The following FBXL14 variants were observed in gnomAD, a reference collection of about 807,000 sequenced individuals.
FBXL14 encodes the protein F-box and leucine rich repeat protein 14, also known as F-box/LRR-repeat protein 14.
FBXL14 carries 11 observed loss-of-function variants against 24.5 expected under a neutral mutation model. The observed-to-expected ratio is 0.45, with a 90% CI of 0.28 to 0.74. FBXL14 has a LOEUF of 0.74. Ranked by LOEUF, FBXL14 falls within the 30% of genes least tolerant of loss-of-function variation. The probability of loss-of-function intolerance (pLI) is 0.12; values close to 1 mark genes in which losing one functional copy is unlikely to be tolerated. For synonymous variants in FBXL14, 294 were observed against 240.4 expected (o/e 1.22, Z -2.06); for missense variants, 384 against 545.6 (o/e 0.70, Z 2.95).
chr12:1,592,222 T>G (rs1224322198), intron 1 of FBXL14, among the ~76,000 whole-genome samples: 1 of 147,466 alleles, frequency 6.8e-6, no homozygotes, highest in African/African-American at 2.5e-5. Context: ...TATATATATA[T>G]AATATATAGA....
At chr12:1,587,387 T>TG (rs1215623063) in intron 1 of FBXL14, 2 of 151,756 alleles carry the variant, frequency 1.3e-5, no homozygotes, top group Admixed American at 6.6e-5. Context: ...TTATTGGGAG[T>TG]GGGGGTTTAA....
intron 1 of FBXL14, among the ~76,000 whole-genome samples, chr12:1,578,912 C>G (rs1244123669): frequency 6.6e-6 from 1 of 152,060 alleles, no homozygotes. Context: ...TCGTGACTAT[C>G]CCTTCACCTT....
At chr12:1,585,496 T>G (rs915208984) in intron 1 of FBXL14, among the ~76,000 whole-genome samples, 4 of 152,178 alleles carry the variant, frequency 2.6e-5, no homozygotes, top group African/African-American at 9.7e-5. Flanking sequence ...GTAGGAAATA[T>G]TTCCTCATAT....
intron 1 of FBXL14, among the ~76,000 whole-genome samples, chr12:1,570,210 CAG>C (rs2094443015): frequency 6.6e-6 from 1 of 151,656 alleles, no homozygotes; most frequent in Non-Finnish European, 1.5e-5. Flanking sequence ...AGCTACTGAT[CAG>C]AGAGTGGGAA....
chr12:1,592,361 A>G (rs941070009), intron 1 of FBXL14, among the ~76,000 whole-genome samples: 9 of 152,020 alleles, frequency 5.9e-5, no homozygotes, highest in African/African-American at 2.2e-4. Flanking sequence ...GAGTGATGAG[A>G]AGAGACTGGG....
Position 1,566,640 on chromosome 12 carries a change from G to C in FBXL14, c.*108C>G, listed in dbSNP as rs149786278. The C allele has an allele frequency of 4.2e-4, 309 of 741,362 alleles. No homozygotes were observed. The African/African-American group carries it at 4.5e-3, about 11-fold the overall frequency. 45.9% of individuals were successfully genotyped at this position (741,362 alleles called of 1,614,324 possible). A position where few individuals can be genotyped will look rare whatever the true frequency, so the allele number is the denominator to read the frequency against. On this transcript the variant is annotated 3_prime_UTR_variant, in exon 2 of 2. Coordinates refer to ENST00000339235, the MANE Select transcript of FBXL14 (RefSeq NM_152441.3). ...CTGGGCAGCAGCCTCTGCCCGAGCA[G>C]TGACAGGCAGGGAAACCTGAGCTGT... is the stretch of plus-strand genomic sequence containing the variant.
intron 1 of FBXL14, among the ~76,000 whole-genome samples, chr12:1,584,023 G>A (rs1371671618): frequency 6.6e-6 from 1 of 152,106 alleles, no homozygotes; most frequent in African/African-American, 2.4e-5. Flanking sequence ...TGTAGTGCTT[G>A]ACTTTTACCT....
chr12:1,568,876 T>C (rs2094440622), intron 1 of FBXL14, among the ~76,000 whole-genome samples: 1 of 152,072 alleles, frequency 6.6e-6, no homozygotes, highest in African/African-American at 2.4e-5. Flanking sequence ...AAAAAGATTG[T>C]CATAGTGGGT....
At chr12:1,571,658 G>A (rs2094445739) in intron 1 of FBXL14, among the ~76,000 whole-genome samples, 1 of 152,104 alleles carries the variant, frequency 6.6e-6, no homozygotes, top group African/African-American at 2.4e-5. Context: ...CTTGGGACGG[G>A]GACACAGCAG....
At chr12:1,587,804 T>C (rs954405446) in intron 1 of FBXL14, among the ~76,000 whole-genome samples, 1 of 152,352 alleles carries the variant, frequency 6.6e-6, no homozygotes, top group Admixed American at 6.5e-5. Context: ...GACCCAAGTC[T>C]GAGCTTAGGT....
intron 1 of FBXL14, among the ~76,000 whole-genome samples, chr12:1,572,728 A>G (rs571312684): frequency 1.3e-4 from 20 of 152,356 alleles, no homozygotes; most frequent in Non-Finnish European, 1.9e-4. Context: ...GAAGGAGCCC[A>G]CTGGAGATTG....
At chr12:1,589,459 A>T (rs1181168966) in intron 1 of FBXL14, among the ~76,000 whole-genome samples, 3 of 99,996 alleles carry the variant, frequency 3.0e-5, no homozygotes, top group Non-Finnish European at 5.7e-5. Context: ...AAAAAAAGAC[A>T]GGAAGGCAGG....
In FBXL14 at chr12:1,566,603, G is replaced by A. The variant is rs543948379; in HGVS notation, c.*145C>T. ...GGAGAATGCAGCTTCACAAGGTACC[G>A]GAGCAGAAGCCCTGGGCAGCAGCCT... On this transcript the variant is annotated 3_prime_UTR_variant, in exon 2 of 2. Transcript: ENST00000339235. The A allele has an allele frequency of 1.7e-4, 113 of 670,226 alleles. No homozygotes were observed. Among genetic ancestry groups the A allele is most frequent in the Admixed American group, 1.1e-3 (48 of 44,648 alleles). 41.5% of individuals were successfully genotyped at this position (670,226 alleles called of 1,614,324 possible). A position where few individuals can be genotyped will look rare whatever the true frequency, so the allele number is the denominator to read the frequency against.
At chr12:1,588,041 C>T (rs920385165) in intron 1 of FBXL14, among the ~76,000 whole-genome samples, 3 of 152,202 alleles carry the variant, frequency 2.0e-5, no homozygotes, top group Non-Finnish European at 2.9e-5. Flanking sequence ...TATAGTCCCT[C>T]CCTTTCTACC....
chr12:1,570,820 C>T (rs1650369273), intron 1 of FBXL14, among the ~76,000 whole-genome samples: 1 of 152,020 alleles, frequency 6.6e-6, no homozygotes, highest in African/African-American at 2.4e-5. Context: ...TCCTCGGCCT[C>T]TCTTGATCTT....
chr12:1,581,021 T>C (rs2094465211), intron 1 of FBXL14, among the ~76,000 whole-genome samples: 1 of 152,212 alleles, frequency 6.6e-6, no homozygotes, highest in Non-Finnish European at 1.5e-5. Flanking sequence ...AAGGTGTTGT[T>C]GATACCTGCT....
chr12:1,583,501 A>C (rs571225528), intron 1 of FBXL14, among the ~76,000 whole-genome samples: 90 of 152,334 alleles, frequency 5.9e-4, no homozygotes, highest in African/African-American at 2.1e-3. Context: ...ATTCAATTTC[A>C]TCTTTTCCAG....
chr12:1,585,397 C>CAA (rs34371174), intron 1 of FBXL14, among the ~76,000 whole-genome samples: 2,125 of 93,852 alleles, frequency 0.023, 54 homozygotes, highest in African/African-American at 0.07. Context: ...GACTCCGTCT[C>CAA]AAAAAAAAAA....
intron 1 of FBXL14, among the ~76,000 whole-genome samples, chr12:1,576,044 T>G (rs1360864201): frequency 1.3e-5 from 2 of 152,248 alleles, no homozygotes; most frequent in East Asian, 3.8e-4. Context: ...TTTTTCTGTT[T>G]ACACTTAACT....
Sources: gnomAD v4.1 joint callset for allele counts (sites outside exome capture counted in the v4.1 genomes callset) on GRCh38, gnomAD v4.1.1 for gene constraint, MANE v1.5 for transcripts, NCBI Gene and HGNC (gene_info 2026-07-23, HGNC 2026-07-21) for gene names.